ZCCHC7: variants seen among roughly 807,000 people sequenced by gnomAD.
The protein encoded by ZCCHC7 is zinc finger CCHC domain-containing protein 7.
Under a neutral mutation model 52.0 loss-of-function variants are expected in ZCCHC7, and 35 were observed. That is an observed-to-expected ratio of 0.67 (90% CI 0.51 to 0.89). The LOEUF (loss-of-function observed/expected upper bound fraction) is 0.89. Among genes scored for constraint, ZCCHC7 ranks in the 40% least tolerant of loss-of-function variants. The probability of loss-of-function intolerance (pLI) is 0.00; values close to 1 mark genes in which losing one functional copy is unlikely to be tolerated. For missense variants in ZCCHC7, 574 were observed against 649.1 expected (o/e 0.88, Z 1.26); for synonymous variants, 217 against 221.5 (o/e 0.98, Z 0.18).
intron 5 of ZCCHC7, among the ~76,000 whole-genome samples, chr9:37,307,231 C>T (rs1447268986): frequency 6.6e-6 from 1 of 152,102 alleles, no homozygotes; most frequent in East Asian, 1.9e-4. Context: ...GGAGTTTAGT[C>T]ATAATTTCAA....
rs149533278 is a variant in ZCCHC7 at position 37,291,028 on chromosome 9, C to G, written c.611-11160C>G. Among the ~76,000 whole-genome samples, 428 of 152,262 alleles carry G rather than the reference C, an allele frequency of 2.8e-3. 3 individuals are homozygous for G. Among genetic ancestry groups the G allele is most frequent in the African/African-American group, 9.8e-3 (408 of 41,544 alleles). ...TCCTTCACTTTTATTATTGTGCTGC[C>G]TAAAGTATTGCATTATCTTTCAAGA... is the stretch of plus-strand genomic sequence containing the variant. On this transcript the variant is annotated intron_variant, in intron 2 of 8. Transcript: ENST00000336755.
intron 2 of ZCCHC7, among the ~76,000 whole-genome samples, chr9:37,276,506 G>T (rs973275088): frequency 6.6e-6 from 1 of 152,052 alleles, no homozygotes; most frequent in Non-Finnish European, 1.5e-5. Context: ...CATGTCATTG[G>T]GTAATTGAGA....
chr9:37,317,244 A>G (rs7036132), intron 5 of ZCCHC7, among the ~76,000 whole-genome samples: 44,575 of 152,112 alleles, frequency 0.29, 7,105 homozygotes, highest in Middle Eastern at 0.4. Context: ...CTGAAAAGTA[A>G]TGGAGAAATC....
intron 1 of ZCCHC7, among the ~76,000 whole-genome samples, chr9:37,121,205 G>A (rs1405572775): frequency 2.0e-5 from 3 of 152,192 alleles, no homozygotes; most frequent in Non-Finnish European, 4.4e-5. Flanking sequence ...AGAGCTGCTG[G>A]TTCGGTGGAA....
intron 2 of ZCCHC7, among the ~76,000 whole-genome samples, chr9:37,290,853 T>C (rs956092443): frequency 1.9e-4 from 29 of 152,202 alleles, no homozygotes; most frequent in African/African-American, 6.8e-4. Context: ...TACTGTTTCA[T>C]CATCCTAGGA....
In ZCCHC7 at chr9:37,356,998, T is replaced by C. The variant is rs779827791; in HGVS notation, c.1362T>C (p.Asn454=). The part of the protein sequence containing the change: ...KETQKEMKNK[N]RNWEKHRKAD... ...CACAAAAAGAAATGAAGAACAAGAA[T>C]AGAAACTGGGAGAAGCACAGGAAGG... The change falls in exon 9 of 9, where the codon AAT becomes AAC. Residue 454 remains asparagine, a synonymous_variant. Coordinates refer to ENST00000336755, the MANE Select transcript of ZCCHC7 (RefSeq NM_032226.3). The C allele has an allele frequency of 1.2e-6, 2 of 1,613,262 alleles. No homozygotes were observed. Among genetic ancestry groups the C allele is most frequent in the Admixed American group, 1.7e-5 (1 of 59,852 alleles).
chr9:37,277,515 C>T (rs1289209853), intron 2 of ZCCHC7, among the ~76,000 whole-genome samples: 1 of 152,040 alleles, frequency 6.6e-6, no homozygotes, highest in Non-Finnish European at 1.5e-5. Flanking sequence ...ATAAAATAAA[C>T]TATCTGAAGG....
chr9:37,318,231 C>T lies in ZCCHC7; in HGVS notation c.952-9568C>T, dbSNP rs73450455. On this transcript the variant is annotated intron_variant, in intron 5 of 8. Coordinates refer to ENST00000336755, the MANE Select transcript of ZCCHC7 (RefSeq NM_032226.3). ...TTCGAAAATGATATAAAAGGCCGGG[C>T]GCAGTGGATCACCTGAGGTCAAGAG... Among the ~76,000 whole-genome samples, 657 of 151,732 alleles carry T rather than the reference C, an allele frequency of 4.3e-3. 3 individuals carry two copies. Among genetic ancestry groups the T allele is most frequent in the African/African-American group, 0.015 (624 of 41,368 alleles).
chr9:37,135,803 T>G (rs1564134857), intron 2 of ZCCHC7, among the ~76,000 whole-genome samples: 1 of 152,214 alleles, frequency 6.6e-6, no homozygotes, highest in Non-Finnish European at 1.5e-5. Context: ...GCAGAAAGTG[T>G]TTTAACTATT....
chr9:37,231,701 T>G (rs1425265961), intron 2 of ZCCHC7, among the ~76,000 whole-genome samples: 1 of 152,186 alleles, frequency 6.6e-6, no homozygotes, highest in Non-Finnish European at 1.5e-5. Context: ...ATCACAATGG[T>G]CAAGTATTTA....
intron 2 of ZCCHC7, among the ~76,000 whole-genome samples, chr9:37,230,979 G>A (rs1825375711): frequency 6.6e-6 from 1 of 152,048 alleles, no homozygotes; most frequent in African/African-American, 2.4e-5. Flanking sequence ...AGGACACCCG[G>A]GCTGGATTGC....
rs1822178739 is a variant in ZCCHC7 at position 37,178,526 on chromosome 9, A to G, written c.610+51584A>G. The stretch of plus-strand genomic sequence containing the variant: ...AGGAAGAATGGAAAGAAGAAAACTC[A>G]CAATGGTTGGCAAATAAACCTCTAT... On this transcript the variant is annotated intron_variant, in intron 2 of 8. Coordinates refer to ENST00000336755, the MANE Select transcript of ZCCHC7 (RefSeq NM_032226.3). Among the ~76,000 whole-genome samples the G allele has an allele frequency of 6.6e-5, 10 of 152,122 alleles. No individual in the cohort carries two copies. In the South Asian group the frequency reaches 2.1e-3, roughly 31 times the overall value.
intron 2 of ZCCHC7, among the ~76,000 whole-genome samples, chr9:37,195,431 A>G (rs1254865241): frequency 6.6e-6 from 1 of 152,182 alleles, no homozygotes; most frequent in Non-Finnish European, 1.5e-5. Flanking sequence ...TCTCCTTTAG[A>G]TATATGAAAA....
intron 2 of ZCCHC7, among the ~76,000 whole-genome samples, chr9:37,159,107 CT>C (rs1369147729): frequency 1.3e-5 from 2 of 152,160 alleles, no homozygotes; most frequent in Non-Finnish European, 2.9e-5. Context: ...TTTGTTCATA[CT>C]TTAACAGGTA....
intron 2 of ZCCHC7, among the ~76,000 whole-genome samples, chr9:37,267,485 G>A (rs373657663): frequency 1.1e-4 from 16 of 151,532 alleles, no homozygotes; most frequent in Non-Finnish European, 2.2e-4. Flanking sequence ...CTTCAGCCTC[G>A]ACCTCGACCT....
chr9:37,312,049 A>G (rs1418576324), intron 5 of ZCCHC7, among the ~76,000 whole-genome samples: 1 of 152,172 alleles, frequency 6.6e-6, no homozygotes, highest in African/African-American at 2.4e-5. Context: ...TTTTATTTTT[A>G]GTGTACTCCA....
chr9:37,132,066 C>T (rs1842807507), intron 2 of ZCCHC7, among the ~76,000 whole-genome samples: 1 of 152,100 alleles, frequency 6.6e-6, no homozygotes, highest in South Asian at 2.1e-4. Context: ...CGTTTGTTTT[C>T]CTTCTTGATT....
At chr9:37,233,964 C>T (rs111582974) in intron 2 of ZCCHC7, among the ~76,000 whole-genome samples, 5 of 152,164 alleles carry the variant, frequency 3.3e-5, no homozygotes, top group African/African-American at 1.2e-4. Context: ...AGCGATTCTC[C>T]TGCCGCAGCC....
At chr9:37,324,058 T>C (rs143335333) in intron 5 of ZCCHC7, among the ~76,000 whole-genome samples, 1 of 152,342 alleles carries the variant, frequency 6.6e-6, no homozygotes, top group East Asian at 1.9e-4. Flanking sequence ...CATTCAACAA[T>C]TTTTAAACTG....
Sources: allele counts gnomAD v4.1 joint callset (sites outside exome capture counted in the v4.1 genomes callset), GRCh38; gene constraint gnomAD v4.1.1; transcripts MANE v1.5; gene names NCBI Gene and HGNC (gene_info 2026-07-23, HGNC 2026-07-21).